Variants in MID1 observed in about 807,000 individuals in gnomAD.
MID1 encodes midline 1.
Under a neutral mutation model 40.4 loss-of-function variants are expected in MID1, and 7 were observed. That is an observed-to-expected ratio of 0.17 (90% CI 0.10 to 0.33). The LOEUF is 0.33. Ranked by LOEUF, MID1 falls within the 10% of genes least tolerant of loss-of-function variation. The pLI is 1.00. For synonymous variants in MID1, 229 were observed against 221.2 expected (o/e 1.04, Z -0.31); for missense variants, 367 against 558.5 (o/e 0.66, Z 3.46).
chrX:10,513,788 C>T (rs1932270730), intron 3 of MID1, among the ~76,000 whole-genome samples: 1 of 112,352 alleles, frequency 8.9e-6, no homozygotes, highest in Non-Finnish European at 1.9e-5. Flanking sequence ...GGATTACAGG[C>T]GTGAGCCACT....
intron 7 of MID1, among the ~76,000 whole-genome samples, chrX:10,464,378 T>A (rs1279816152): frequency 1.8e-5 from 2 of 112,026 alleles, no homozygotes; most frequent in Non-Finnish European, 3.8e-5. Flanking sequence ...ACCCTAAGTT[T>A]CAAGCAATAA....
Position 10,495,706 on chromosome X carries a change from C to T in MID1, c.757-15G>A. ...GATGCATTGACCTACAGGATAAGTA[C>T]AATGGTAAGTGTTAATTTGGCCTTT... On this transcript the variant is annotated splice_polypyrimidine_tract_variant and intron_variant, in intron 3 of 9. Coordinates refer to ENST00000317552, the MANE Select transcript of MID1 (RefSeq NM_000381.4). 1 of 1,118,507 alleles carries T rather than the reference C, an allele frequency of 8.9e-7. No individual in the cohort carries two copies. Among genetic ancestry groups the T allele is most frequent in the Non-Finnish European group, 1.2e-6 (1 of 810,943 alleles). 92.2% of individuals were successfully genotyped at this position (1,118,507 alleles called of 1,213,427 possible). A position where few individuals can be genotyped will look rare whatever the true frequency, so the allele number is the denominator to read the frequency against.
At chrX:10,726,640 A>G (rs2043392948) in intron 1 of MID1, among the ~76,000 whole-genome samples, 1 of 112,691 alleles carries the variant, frequency 8.9e-6, no homozygotes. Flanking sequence ...TTAGAAAAGG[A>G]TGGCATAACA....
chrX:10,460,038 G>A, intron 7 of MID1: 1 of 434,990 alleles, frequency 2.3e-6, no homozygotes, highest in Non-Finnish European at 4.0e-6. Context: ...CTTTGCAGGT[G>A]CTCCTTCTAA....
chrX:10,827,966 C>A (rs1379537596), intron 1 of MID1, among the ~76,000 whole-genome samples: 1 of 110,915 alleles, frequency 9.0e-6, no homozygotes, highest in East Asian at 2.9e-4. Flanking sequence ...GCCAATAACT[C>A]TCTGTTAGAG....
chrX:10,676,904 C>T (rs954335601), intron 1 of MID1, among the ~76,000 whole-genome samples: 1 of 111,625 alleles, frequency 9.0e-6, no homozygotes, highest in African/African-American at 3.3e-5. Flanking sequence ...ACCCTGGTCA[C>T]TATCCCTCAG....
intron 1 of MID1, among the ~76,000 whole-genome samples, chrX:10,652,442 C>T (rs1447725913): frequency 2.7e-5 from 3 of 111,721 alleles, no homozygotes; most frequent in Admixed American, 9.5e-5. Context: ...AATCTGATGG[C>T]CTCTCTTCCT....
chrX:10,647,760 G>A (rs1475628162), intron 1 of MID1, among the ~76,000 whole-genome samples: 2 of 111,373 alleles, frequency 1.8e-5, no homozygotes, highest in African/African-American at 6.5e-5. Context: ...CGCCATTCAA[G>A]TGTGGTTTAG....
rs142621838 is a variant in MID1 at position 10,474,381 on chromosome X, A to G, written c.1141+242T>C. On this transcript the variant is annotated intron_variant, in intron 6 of 9. Transcript: ENST00000317552. ...CCCACACCTTGAGAGTGAGGGAAACAGTGGTAAGTATGCTTTTAATGGTTG... is the reference window on the plus strand; with the variant it reads ...CCCACACCTTGAGAGTGAGGGAAACGGTGGTAAGTATGCTTTTAATGGTTG... Among the ~76,000 whole-genome samples, 578 of 111,844 alleles carry G rather than the reference A, an allele frequency of 5.2e-3. 5 individuals are homozygous for G. Among genetic ancestry groups the G allele is most frequent in the African/African-American group, 0.018 (552 of 30,813 alleles).
At chrX:10,641,257 A>G (rs1399679286) in intron 1 of MID1, among the ~76,000 whole-genome samples, 3 of 111,959 alleles carry the variant, frequency 2.7e-5, no homozygotes, top group East Asian at 2.8e-4. Context: ...GATCAACAAA[A>G]TTGATAGACT....
At chrX:10,593,505 CA>C (rs1263679546) in intron 1 of MID1, among the ~76,000 whole-genome samples, 1 of 111,124 alleles carries the variant, frequency 9.0e-6, no homozygotes, top group African/African-American at 3.3e-5. Flanking sequence ...ATAATTGAAT[CA>C]AATTATTGCC....
intron 1 of MID1, among the ~76,000 whole-genome samples, chrX:10,663,591 C>T (rs1361813318): frequency 9.0e-6 from 1 of 111,373 alleles, no homozygotes; most frequent in Non-Finnish European, 1.9e-5. Context: ...GAATGAAGTA[C>T]TCTGAGCAAG....
intron 1 of MID1, among the ~76,000 whole-genome samples, chrX:10,801,993 C>T (rs1420682848): frequency 4.5e-5 from 5 of 110,422 alleles, no homozygotes; most frequent in African/African-American, 1.7e-4. Context: ...ACCATCCTGG[C>T]CAACATGGTG....
chrX:10,683,069 C>T (rs1035573227), intron 1 of MID1, among the ~76,000 whole-genome samples: 1 of 111,812 alleles, frequency 8.9e-6, no homozygotes, highest in Non-Finnish European at 1.9e-5. Context: ...GCATACTGTG[C>T]TCAATTGTAG....
chrX:10,787,471 CTTTTG>C (rs1209793320), intron 1 of MID1, among the ~76,000 whole-genome samples: 1 of 91,384 alleles, frequency 1.1e-5, no homozygotes, highest in Non-Finnish European at 2.1e-5. Flanking sequence ...ACTCTCTTTT[CTTTTG>C]TTTTTTCTTT....
intron 4 of MID1, among the ~76,000 whole-genome samples, chrX:10,486,779 CTG>C (rs1332469143): frequency 8.9e-6 from 1 of 112,455 alleles, no homozygotes; most frequent in African/African-American, 3.2e-5. Context: ...ATGAACTGTC[CTG>C]TACATAGTAC....
chrX:10,764,447 A>T (rs760736555), intron 1 of MID1, among the ~76,000 whole-genome samples: 1 of 111,991 alleles, frequency 8.9e-6, no homozygotes, highest in Non-Finnish European at 1.9e-5. Flanking sequence ...AAACTCTAAG[A>T]CAAAAATAAT....
At chrX:10,472,321 A>T (rs1929755754) in intron 6 of MID1, among the ~76,000 whole-genome samples, 1 of 112,716 alleles carries the variant, frequency 8.9e-6, no homozygotes, top group African/African-American at 3.2e-5. Flanking sequence ...CAGGTACCCC[A>T]TATGGCCTTT....
At chrX:10,708,389 C>T (rs1283577039) in intron 1 of MID1, among the ~76,000 whole-genome samples, 1 of 111,440 alleles carries the variant, frequency 9.0e-6, no homozygotes, top group Non-Finnish European at 1.9e-5. Context: ...GTTAAGCAGT[C>T]AGGGTGCATT....
Sources: allele counts gnomAD v4.1 joint callset (sites outside exome capture counted in the v4.1 genomes callset), GRCh38; gene constraint gnomAD v4.1.1; transcripts MANE v1.5; gene names NCBI Gene and HGNC (gene_info 2026-07-23, HGNC 2026-07-21).